Variants in DOCK1 observed in about 807,000 individuals in gnomAD.
The protein encoded by DOCK1 is dedicator of cytokinesis protein 1.
DOCK1 carries 138 observed loss-of-function variants against 262.7 expected under a neutral mutation model. The ratio of observed to expected loss-of-function variants is 0.53; its 90% CI spans 0.46 to 0.61. The LOEUF (loss-of-function observed/expected upper bound fraction) is 0.61, where lower values mean the gene tolerates loss of function less well. Ranked by LOEUF, DOCK1 falls within the 20% of genes least tolerant of loss-of-function variation. DOCK1 has a pLI of 0.00. For synonymous variants in DOCK1, 866 were observed against 867.4 expected, an observed-to-expected ratio of 1.00 and a Z score of 0.03; for missense variants, 1,908 against 2,370.7, an observed-to-expected ratio of 0.80 and a Z score of 4.05.
intron 1 of DOCK1, among the ~76,000 whole-genome samples, chr10:126,938,137 C>T (rs1366677775): frequency 1.3e-5 from 2 of 151,982 alleles, no homozygotes; most frequent in African/African-American, 4.8e-5. Flanking sequence ...ACCTCTGCCT[C>T]CTGGGTTCAA....
intron 49 of DOCK1, among the ~76,000 whole-genome samples, chr10:127,443,030 G>A (rs547141190): frequency 6.2e-4 from 94 of 152,274 alleles, no homozygotes; most frequent in African/African-American, 1.9e-3. Flanking sequence ...TAGAGGCGTC[G>A]GCAGGGCTGA....
At chr10:126,905,972 T>C (rs1299479536) in intron 1 of DOCK1, among the ~76,000 whole-genome samples, 1 of 152,086 alleles carries the variant, frequency 6.6e-6, no homozygotes, top group East Asian at 2.0e-4. Context: ...CGGCGGCTTC[T>C]GCTTCTTGGA....
intron 33 of DOCK1, among the ~76,000 whole-genome samples, chr10:127,371,710 C>T (rs1407751667): frequency 6.6e-6 from 1 of 152,168 alleles, no homozygotes; most frequent in African/African-American, 2.4e-5. Context: ...CCTGAAGCAT[C>T]AGCCCTCATC....
intron 27 of DOCK1, among the ~76,000 whole-genome samples, chr10:127,247,275 C>T (rs1316377518): frequency 6.6e-6 from 1 of 152,090 alleles, no homozygotes; most frequent in Non-Finnish European, 1.5e-5. Context: ...TCCTTTCCAC[C>T]CAGCTCCGTC....
At chr10:126,929,341 G>A (rs2034011369) in intron 1 of DOCK1, among the ~76,000 whole-genome samples, 1 of 152,150 alleles carries the variant, frequency 6.6e-6, no homozygotes, top group Non-Finnish European at 1.5e-5. Flanking sequence ...TTTTCATGAG[G>A]ATTCAGTGTT....
intron 34 of DOCK1, 76 bp from the exon 35 acceptor site, chr10:127,373,982 A>C: frequency 6.5e-7 from 1 of 1,533,688 alleles, no homozygotes; most frequent in Non-Finnish European, 8.8e-7. Flanking sequence ...TAATAATGGA[A>C]AATAGTTAAA....
At chr10:127,269,943 C>T (rs1340668831) in intron 29 of DOCK1, among the ~76,000 whole-genome samples, 4 of 152,322 alleles carry the variant, frequency 2.6e-5, no homozygotes, top group East Asian at 3.9e-4. Context: ...CTCCTGACCA[C>T]GCTCAGTTTT....
At chr10:126,959,682 C>T (rs1283850226) in intron 1 of DOCK1, among the ~76,000 whole-genome samples, 1 of 152,162 alleles carries the variant, frequency 6.6e-6, no homozygotes, top group East Asian at 1.9e-4. Flanking sequence ...TGGGGAGGAT[C>T]GTTAGCACCA....
chr10:127,181,476 AC>A (rs1429103910), intron 27 of DOCK1, among the ~76,000 whole-genome samples: 1 of 152,144 alleles, frequency 6.6e-6, no homozygotes, highest in Admixed American at 6.5e-5. Context: ...TGCCAGTCTG[AC>A]CGAGACACCT....
chr10:126,953,406 ATGG>A (rs1166300280), intron 1 of DOCK1, among the ~76,000 whole-genome samples: 5 of 137,690 alleles, frequency 3.6e-5, no homozygotes, highest in African/African-American at 5.5e-5. Context: ...GGTATTGGTG[ATGG>A]TGGTGGTGGT....
chr10:127,346,043 G>C (rs1020598559), intron 31 of DOCK1, among the ~76,000 whole-genome samples: 1 of 152,162 alleles, frequency 6.6e-6, no homozygotes, highest in Admixed American at 6.5e-5. Context: ...AGGACAGCTC[G>C]GCCACAGCAG....
chr10:126,983,843 A>G lies in DOCK1; in HGVS notation c.227+1870A>G, dbSNP rs539334900. 2.0e-5 allele frequency among the ~76,000 whole-genome samples: 3 copies of G among 152,094 alleles called. No individual in the cohort carries two copies. In the South Asian group the frequency reaches 6.2e-4, roughly 32 times the overall value. On this transcript the variant is annotated intron_variant, in intron 4 of 51. Coordinates refer to ENST00000623213, the MANE Select transcript of DOCK1 (RefSeq NM_001290223.2). ...TTCTGTACCTATTCCCCCATAACCA[A>G]AGCAATTCCCATTTTGTCCTCCATG... is the stretch of plus-strand genomic sequence containing the variant.
intron 3 of DOCK1, among the ~76,000 whole-genome samples, chr10:126,978,930 C>T (rs1432160971): frequency 6.6e-6 from 1 of 152,094 alleles, no homozygotes. Flanking sequence ...AATGGGTCAT[C>T]CTCTCGCAAC....
At chr10:126,954,838 TTTGGG>T (rs1236625207) in intron 1 of DOCK1, among the ~76,000 whole-genome samples, 6 of 152,210 alleles carry the variant, frequency 3.9e-5, no homozygotes, top group Non-Finnish European at 5.9e-5. Flanking sequence ...TTGATAGACA[TTTGGG>T]TTGCTTCTGC....
In DOCK1 at chr10:127,374,222, A is replaced by G. The variant is rs985053089; in HGVS notation, c.3675+8A>G. The G allele has an allele frequency of 1.2e-6, 2 of 1,602,666 alleles. No homozygotes were observed. Among genetic ancestry groups the G allele is most frequent in the Non-Finnish European group, 1.7e-6 (2 of 1,175,112 alleles). On this transcript the variant is annotated splice_region_variant and intron_variant, in intron 35 of 51. Coordinates refer to ENST00000623213, the MANE Select transcript of DOCK1 (RefSeq NM_001290223.2). ...TGCACCGTCAATGTGCTGGTGAGTG[A>G]AAGCTTAATCACGTTTTTTCAGTTT...
At chr10:126,963,605 C>T (rs947972845) in intron 1 of DOCK1, among the ~76,000 whole-genome samples, 1 of 62,084 alleles carries the variant, frequency 1.6e-5, no homozygotes, top group African/African-American at 8.7e-5. Flanking sequence ...CTTCCCTTCC[C>T]TTCCCTTCCC....
At chr10:127,136,478 CA>C (rs71831153) in intron 27 of DOCK1, 8,950 of 67,060 alleles carry the variant, frequency 0.13, 493 homozygotes, top group African/African-American at 0.27. Context: ...TTAAGTTGTA[CA>C]AAAAAAAAAA....
At chr10:127,157,823 G>C (rs1446677749) in intron 27 of DOCK1, among the ~76,000 whole-genome samples, 1 of 152,212 alleles carries the variant, frequency 6.6e-6, no homozygotes, top group African/African-American at 2.4e-5. Flanking sequence ...GGAATCAGTT[G>C]TTTGGAGTCC....
rs138558898 is a variant in DOCK1, at chr10:127,130,757, C to T, written c.2847+2993C>T. Reference sequence around the variant, plus strand: ...CAGTGCCCTGCAGACAGACAAGAAACAGTTCAAGATCCCACAGCTAGCATG... The same window carrying T: ...CAGTGCCCTGCAGACAGACAAGAAATAGTTCAAGATCCCACAGCTAGCATG... On this transcript the variant is annotated intron_variant, in intron 27 of 51. Coordinates refer to ENST00000623213, the MANE Select transcript of DOCK1 (RefSeq NM_001290223.2). 5.3e-5 allele frequency among the ~76,000 whole-genome samples: 8 copies of T among 152,254 alleles called. No homozygotes were observed. The East Asian group carries it at 1.6e-3, about 30-fold the overall frequency.
Sources: allele counts gnomAD v4.1 joint callset (sites outside exome capture counted in the v4.1 genomes callset), GRCh38; gene constraint gnomAD v4.1.1; transcripts MANE v1.5; gene names NCBI Gene and HGNC (gene_info 2026-07-23, HGNC 2026-07-21).